The following GOLPH3 variants were observed in gnomAD, a reference collection of about 807,000 sequenced individuals.
GOLPH3 encodes coat protein GPP34.
A neutral mutation model predicts 28.5 loss-of-function variants in GOLPH3; 14 were observed. The ratio of observed to expected loss-of-function variants is 0.49; its 90% confidence interval spans 0.32 to 0.77. The LOEUF is 0.77. Among genes scored for constraint, GOLPH3 ranks in the 30% least tolerant of loss-of-function variants. The pLI, the probability that GOLPH3 is intolerant of heterozygous loss-of-function variation, is 0.03. For missense variants in GOLPH3, 350 were observed against 393.7 expected, an observed-to-expected ratio of 0.89 and a Z score of 0.94; for synonymous variants, 158 against 159.2, an observed-to-expected ratio of 0.99 and a Z score of 0.06.
intron 1 of GOLPH3, 141 bp from the exon 2 acceptor site, chr5:32,144,021 T>G (rs1387710643): frequency 1.4e-5 from 7 of 511,790 alleles, no homozygotes; most frequent in Non-Finnish European, 2.3e-5. Context: ...ACTGAAAAAA[T>G]ACAATTAACA....
chr5:32,137,909 GTT>G (rs397997289), intron 2 of GOLPH3, among the ~76,000 whole-genome samples: 1 of 143,134 alleles, frequency 7.0e-6, no homozygotes, highest in Non-Finnish European at 1.5e-5. Flanking sequence ...GGTTTTTTTT[GTT>G]TTTTTTTTTT....
intron 1 of GOLPH3, among the ~76,000 whole-genome samples, chr5:32,155,897 C>T (rs1338627471): frequency 8.0e-6 from 1 of 124,282 alleles, no homozygotes; most frequent in Admixed American, 1.1e-4. Flanking sequence ...GCGGAGGTTG[C>T]CGTGAACCAA....
intron 2 of GOLPH3, among the ~76,000 whole-genome samples, chr5:32,142,627 C>G (rs1290262494): frequency 2.1e-5 from 3 of 145,062 alleles, no homozygotes; most frequent in Non-Finnish European, 4.5e-5. Flanking sequence ...GCCCGGCCAG[C>G]CGCCCCGTCC....
chr5:32,170,056 C>G (rs1448960921), intron 1 of GOLPH3, among the ~76,000 whole-genome samples: 1 of 151,458 alleles, frequency 6.6e-6, no homozygotes, highest in African/African-American at 2.4e-5. Context: ...ACCTTCTGTT[C>G]AGCAAAAAAG....
chr5:32,168,936 C>T (rs981102964), intron 1 of GOLPH3, among the ~76,000 whole-genome samples: 1 of 149,916 alleles, frequency 6.7e-6, no homozygotes, highest in Non-Finnish European at 1.5e-5. Flanking sequence ...TCTAGCCTGG[C>T]GACACAGCAC....
chr5:32,158,953 T>C (rs1323206814), intron 1 of GOLPH3, among the ~76,000 whole-genome samples: 1 of 152,262 alleles, frequency 6.6e-6, no homozygotes, highest in Non-Finnish European at 1.5e-5. Flanking sequence ...TTCTTTCTAA[T>C]TCTTAGGAAA....
chr5:32,142,299 T>A (rs1288795715), intron 2 of GOLPH3, among the ~76,000 whole-genome samples: 2 of 138,722 alleles, frequency 1.4e-5, no homozygotes, highest in African/African-American at 2.8e-5. Context: ...GGACGCCCCG[T>A]CTGAGAAATG....
intron 2 of GOLPH3, among the ~76,000 whole-genome samples, chr5:32,138,702 G>C (rs1364309712): frequency 1.3e-5 from 2 of 152,146 alleles, no homozygotes; most frequent in Non-Finnish European, 2.9e-5. Context: ...AGTGTATCCA[G>C]TGTATGTTTT....
chr5:32,148,650 A>T (rs1299215752), intron 1 of GOLPH3, among the ~76,000 whole-genome samples: 1 of 152,200 alleles, frequency 6.6e-6, no homozygotes, highest in Non-Finnish European at 1.5e-5. Flanking sequence ...ATAAAAAATT[A>T]GCTGGGCGTG....
At chr5:32,131,637 C>T (rs1316452648) in intron 3 of GOLPH3, among the ~76,000 whole-genome samples, 1 of 152,206 alleles carries the variant, frequency 6.6e-6, no homozygotes, top group Admixed American at 6.5e-5. Context: ...ACAAGTTATA[C>T]AAGCAAATTT....
chr5:32,158,010 TAAATAAATAAA>T (rs1561678456), intron 1 of GOLPH3, among the ~76,000 whole-genome samples: 25 of 75,616 alleles, frequency 3.3e-4, no homozygotes, highest in African/African-American at 1.6e-3. Flanking sequence ...AATAAATAAA[TAAATAAATAAA>T]ATACACACAC....
intron 2 of GOLPH3, among the ~76,000 whole-genome samples, chr5:32,137,006 G>A (rs1307268144): frequency 6.6e-6 from 1 of 151,956 alleles, no homozygotes; most frequent in African/African-American, 2.4e-5. Flanking sequence ...CACCCAGGCT[G>A]GAGTGCAGTG....
chr5:32,153,861 T>C (rs2111873817), intron 1 of GOLPH3, among the ~76,000 whole-genome samples: 1 of 152,276 alleles, frequency 6.6e-6, no homozygotes, highest in East Asian at 1.9e-4. Flanking sequence ...GTACACCCAG[T>C]GTACTCACAC....
At chr5:32,156,294 T>TTG (rs1379736002) in intron 1 of GOLPH3, among the ~76,000 whole-genome samples, 1 of 152,016 alleles carries the variant, frequency 6.6e-6, no homozygotes. Context: ...GGTCAGGAGT[T>TTG]TGAGACTAGC....
chr5:32,159,421 GA>G (rs1746526524), intron 1 of GOLPH3, among the ~76,000 whole-genome samples: 1 of 152,322 alleles, frequency 6.6e-6, no homozygotes, highest in Admixed American at 6.5e-5. Context: ...TGTCAGCACT[GA>G]AAAGGTTTCA....
intron 1 of GOLPH3, among the ~76,000 whole-genome samples, chr5:32,156,589 A>G (rs1266847088): frequency 6.6e-6 from 1 of 152,144 alleles, no homozygotes; most frequent in African/African-American, 2.4e-5. Context: ...GGTTTCAGGA[A>G]AGACAATTTT....
intron 2 of GOLPH3, among the ~76,000 whole-genome samples, chr5:32,141,070 C>A (rs892653622): frequency 6.7e-6 from 1 of 149,536 alleles, no homozygotes; most frequent in Non-Finnish European, 1.5e-5. Context: ...GGCTGAGGCA[C>A]GTAAATCACT....
intron 2 of GOLPH3, among the ~76,000 whole-genome samples, chr5:32,137,541 C>T (rs1745963341): frequency 6.6e-6 from 1 of 151,918 alleles, no homozygotes; most frequent in Non-Finnish European, 1.5e-5. Flanking sequence ...TGCCTGTAAA[C>T]CCAGCTACTT....
intron 1 of GOLPH3, among the ~76,000 whole-genome samples, chr5:32,164,919 T>TG (rs1746676046): frequency 7.0e-6 from 1 of 143,416 alleles, no homozygotes; most frequent in Non-Finnish European, 1.5e-5. Flanking sequence ...TTTTTTTTTT[T>TG]GAGATAGTCT....
Sources: gnomAD v4.1 joint callset for allele counts (sites outside exome capture counted in the v4.1 genomes callset) on GRCh38, gnomAD v4.1.1 for gene constraint, MANE v1.5 for transcripts, NCBI Gene and HGNC (gene_info 2026-07-23, HGNC 2026-07-21) for gene names.